Variants in AZI2 observed in about 807,000 individuals in gnomAD.
The protein encoded by AZI2 is 5-azacytidine-induced protein 2.
In AZI2, 22 loss-of-function variants were observed where a neutral mutation model predicts 45.8. The ratio of observed to expected loss-of-function variants is 0.48; its 90% confidence interval spans 0.34 to 0.69. The LOEUF (loss-of-function observed/expected upper bound fraction) is 0.69. Ranked by LOEUF, AZI2 falls within the 30% of genes least tolerant of loss-of-function variation. The probability of loss-of-function intolerance (pLI) is 0.01; values close to 1 mark genes in which losing one functional copy is unlikely to be tolerated. For synonymous variants in AZI2, 137 were observed against 156.7 expected, an observed-to-expected ratio of 0.87 and a Z score of 0.94; for missense variants, 417 against 441.5, an observed-to-expected ratio of 0.94 and a Z score of 0.50.
At chr3:28,337,638 A>G (rs1703846003) in intron 4 of AZI2, among the ~76,000 whole-genome samples, 1 of 152,168 alleles carries the variant, frequency 6.6e-6, no homozygotes, top group South Asian at 2.1e-4. Flanking sequence ...AGTGGGCTAG[A>G]TGATTTCACT....
At chr3:28,341,723 T>A (rs1209448072) in intron 1 of AZI2, 1 of 152,032 alleles carries the variant, frequency 6.6e-6, no homozygotes, top group Non-Finnish European at 1.5e-5. Flanking sequence ...TTTTTTAGTT[T>A]AAAATAAAAA....
chr3:28,344,578 T>C (rs1343766523), intron 1 of AZI2, among the ~76,000 whole-genome samples: 1 of 152,042 alleles, frequency 6.6e-6, no homozygotes, highest in East Asian at 1.9e-4. Context: ...TTTGTTGCAA[T>C]GAAATGGCTG....
chr3:28,331,405 A>G (rs997490448), intron 6 of AZI2, among the ~76,000 whole-genome samples: 22 of 151,558 alleles, frequency 1.5e-4, no homozygotes, highest in African/African-American at 5.3e-4. Context: ...AACTTAGATA[A>G]AATTCGAAGG....
chr3:28,346,729 C>T lies in AZI2; in HGVS notation c.-6+1872G>A, dbSNP rs183435202. 2.6e-5 allele frequency among the ~76,000 whole-genome samples: 4 copies of T among 152,244 alleles called. No homozygotes were observed. The South Asian group carries it at 8.3e-4, about 32-fold the overall frequency. On this transcript the variant is annotated intron_variant, in intron 1 of 7. Transcript: ENST00000479665. ...ACTATGGAGCAAGGATTAAGTCTTACGAAGACGAACAGACCAATGCTTATT... is the reference window on the plus strand; with the variant it reads ...ACTATGGAGCAAGGATTAAGTCTTATGAAGACGAACAGACCAATGCTTATT...
intron 7 of AZI2, among the ~76,000 whole-genome samples, chr3:28,326,218 T>C (rs191397226): frequency 6.6e-6 from 1 of 151,146 alleles, no homozygotes; most frequent in Non-Finnish European, 1.5e-5. Flanking sequence ...AAGTAGCTAC[T>C]ACTAGTTAAC....
In AZI2 at chr3:28,324,305, C is replaced by T. The variant is rs374934599; in HGVS notation, c.916G>A (p.Asp306Asn). Residue 306 changes from aspartate to asparagine, a missense_variant, in exon 8 of 8, where the codon GAT (aspartate) becomes AAT (asparagine). Transcript: ENST00000479665. ...CHTTSSPLPG[D>N]VKVLSEKAIL... ...GCTTTCTCTGATAAAACCTTTACAT[C>T]TCCTGGTAAAGGGGAAGATGTGGTA... 1.0e-5 allele frequency: 16 copies of T among 1,607,090 alleles called. No homozygotes were observed. The African/African-American group carries it at 2.0e-4, about 20-fold the overall frequency.
intron 1 of AZI2, among the ~76,000 whole-genome samples, chr3:28,343,922 A>G (rs1435019245): frequency 6.6e-6 from 1 of 152,088 alleles, no homozygotes; most frequent in East Asian, 1.9e-4. Context: ...CAATATGAGT[A>G]GTCAGACTGG....
At chr3:28,341,490 A>G (rs1704015029) in intron 1 of AZI2, 2 of 152,050 alleles carry the variant, frequency 1.3e-5, no homozygotes, top group African/African-American at 4.8e-5. Context: ...TGACTCCAAA[A>G]CCTAAGAGAA....
intron 6 of AZI2, among the ~76,000 whole-genome samples, chr3:28,327,918 C>G (rs1703441635): frequency 1.3e-5 from 2 of 150,500 alleles, no homozygotes; most frequent in Non-Finnish European, 3.0e-5. Context: ...TCAAACTAGA[C>G]AAACGTGTCA....
rs544894053 is a variant in AZI2 at position 28,339,336 on chromosome 3, A to G, written c.217-721T>C. Among the ~76,000 whole-genome samples, 3 of 152,236 alleles carry G rather than the reference A, an allele frequency of 2.0e-5. No individual in the cohort carries two copies. In the East Asian group the frequency reaches 5.8e-4, roughly 29 times the overall value. ...TGTGTTAATTTGTTAAATCCTTTAT[A>G]TTACAGGATAGGAATTAATAGGATT... On this transcript the variant is annotated intron_variant, in intron 2 of 7. Transcript: ENST00000479665.
At chr3:28,333,842 T>C (rs1003787286) in intron 5 of AZI2, among the ~76,000 whole-genome samples, 3 of 151,834 alleles carry the variant, frequency 2.0e-5, no homozygotes, top group South Asian at 2.1e-4. Flanking sequence ...GTTCAAGTTA[T>C]ATAGGTTTCT....
chr3:28,331,977 A>AT, intron 6 of AZI2: 1 of 1,430,348 alleles, frequency 7.0e-7, no homozygotes, highest in Non-Finnish European at 9.6e-7. Context: ...AAAACAAAAA[A>AT]AAATAAATTT....
chr3:28,324,847 T>C (rs1036700064), intron 7 of AZI2: 3 of 156,450 alleles, frequency 1.9e-5, no homozygotes, highest in Non-Finnish European at 2.8e-5. Context: ...TGGAGAAGGA[T>C]TGCAGACTGT....
At chr3:28,334,189 G>A (rs1271354075) in intron 5 of AZI2, among the ~76,000 whole-genome samples, 3 of 151,794 alleles carry the variant, frequency 2.0e-5, no homozygotes, top group African/African-American at 7.3e-5. Flanking sequence ...CATGTAGGAT[G>A]CTATTACATA....
intron 1 of AZI2, among the ~76,000 whole-genome samples, chr3:28,343,930 T>A (rs1290605643): frequency 2.0e-5 from 3 of 152,086 alleles, no homozygotes; most frequent in Non-Finnish European, 4.4e-5. Context: ...GTAGTCAGAC[T>A]GGTTTACCTA....
intron 2 of AZI2, among the ~76,000 whole-genome samples, chr3:28,339,107 G>A (rs1211517413): frequency 1.3e-5 from 2 of 151,718 alleles, no homozygotes; most frequent in Non-Finnish European, 2.9e-5. Context: ...CAGCTTCCGA[G>A]GAGCTGGGAA....
intron 7 of AZI2, among the ~76,000 whole-genome samples, chr3:28,326,028 A>G (rs1703373451): frequency 6.6e-6 from 1 of 151,124 alleles, no homozygotes; most frequent in Non-Finnish European, 1.5e-5. Flanking sequence ...GTGAAATATA[A>G]ATAAGTAATT....
At chr3:28,339,606 C>G (rs895088567) in intron 2 of AZI2, among the ~76,000 whole-genome samples, 2 of 152,138 alleles carry the variant, frequency 1.3e-5, no homozygotes, top group African/African-American at 4.8e-5. Flanking sequence ...TCAAACTCTA[C>G]CAAGCCCCAT....
intron 5 of AZI2, 53 bp downstream of exon 5, chr3:28,336,680 TCCTA>T: frequency 6.6e-7 from 1 of 1,518,162 alleles, no homozygotes; most frequent in Non-Finnish European, 9.1e-7. Context: ...TAGTTATAAA[TCCTA>T]CATATGATAC....
Sources: allele counts gnomAD v4.1 joint callset (sites outside exome capture counted in the v4.1 genomes callset), GRCh38; gene constraint gnomAD v4.1.1; transcripts MANE v1.5; gene names NCBI Gene and HGNC (gene_info 2026-07-23, HGNC 2026-07-21).